The following RGS17 variants were observed in gnomAD, a reference collection of about 807,000 sequenced individuals.
RGS17 encodes regulator of G protein signaling 17, also known as regulator of G-protein signaling 17.
RGS17 carries 12 observed loss-of-function variants against 25.5 expected under a neutral mutation model. The ratio of observed to expected loss-of-function variants is 0.47; its 90% CI spans 0.30 to 0.76. RGS17 has a LOEUF of 0.76. RGS17 is among the 30% of genes least tolerant of loss of function. The pLI is 0.07. For synonymous variants in RGS17, 71 were observed against 76.9 expected, an observed-to-expected ratio of 0.92 and a Z score of 0.40; for missense variants, 196 against 242.2, an observed-to-expected ratio of 0.81 and a Z score of 1.27.
intron 1 of RGS17, among the ~76,000 whole-genome samples, chr6:153,101,358 C>A (rs1000379057): frequency 1.5e-4 from 23 of 152,054 alleles, no homozygotes; most frequent in African/African-American, 5.3e-4. Flanking sequence ...TTTGCAGGGC[C>A]AACTGGGCAC....
intron 1 of RGS17, among the ~76,000 whole-genome samples, chr6:153,068,843 T>A (rs937000593): frequency 2.6e-5 from 4 of 152,190 alleles, no homozygotes; most frequent in African/African-American, 9.7e-5. Flanking sequence ...CAAACAGGCA[T>A]GTGAAAATTT....
At chr6:153,044,472 T>C (rs1265819334) in intron 1 of RGS17, among the ~76,000 whole-genome samples, 1 of 152,212 alleles carries the variant, frequency 6.6e-6, no homozygotes, top group African/African-American at 2.4e-5. Flanking sequence ...TAAATGATTG[T>C]TGCATGGTTT....
intron 1 of RGS17, among the ~76,000 whole-genome samples, chr6:153,054,118 A>G (rs1303106715): frequency 8.5e-6 from 1 of 118,032 alleles, no homozygotes; most frequent in African/African-American, 3.1e-5. Flanking sequence ...ATATATGTGT[A>G]TATATATATA....
chr6:153,092,253 T>C (rs1382685042), intron 1 of RGS17, among the ~76,000 whole-genome samples: 1 of 152,244 alleles, frequency 6.6e-6, no homozygotes, highest in Non-Finnish European at 1.5e-5. Flanking sequence ...TCTTTGCCTG[T>C]ATAAAATGCT....
chr6:153,078,631 T>C (rs1776922698), intron 1 of RGS17, among the ~76,000 whole-genome samples: 1 of 151,900 alleles, frequency 6.6e-6, no homozygotes, highest in African/African-American at 2.4e-5. Flanking sequence ...ATGTGATATA[T>C]TGAGTAATCA....
At chr6:153,055,968 A>T (rs1194190639) in intron 1 of RGS17, among the ~76,000 whole-genome samples, 1 of 152,224 alleles carries the variant, frequency 6.6e-6, no homozygotes, top group East Asian at 1.9e-4. Context: ...AAATGTAAGG[A>T]TATGAACTTG....
intron 1 of RGS17, among the ~76,000 whole-genome samples, chr6:153,085,912 A>G (rs1217600854): frequency 6.7e-6 from 1 of 150,360 alleles, no homozygotes; most frequent in East Asian, 2.0e-4. Flanking sequence ...AAACAACTGT[A>G]GAGGGGGCAG....
chr6:153,076,164 T>G (rs6927659), intron 1 of RGS17, among the ~76,000 whole-genome samples: 67,455 of 152,002 alleles, frequency 0.44, 15,489 homozygotes, highest in East Asian at 0.7. Flanking sequence ...AACATTACAC[T>G]CTGTATATCC....
intron 1 of RGS17, among the ~76,000 whole-genome samples, chr6:153,054,092 T>TATATATATATG (rs1393844507): frequency 6.2e-4 from 26 of 42,080 alleles, no homozygotes; most frequent in East Asian, 2.1e-3. Flanking sequence ...ACAATATTTT[T>TATATATATATG]TATATATATA....
intron 2 of RGS17, among the ~76,000 whole-genome samples, chr6:153,037,171 A>AACACAC: frequency 2.1e-5 from 3 of 145,354 alleles, no homozygotes; most frequent in African/African-American, 7.7e-5. Context: ...CTACCTTTAA[A>AACACAC]ACACACACAC....
intron 4 of RGS17, among the ~76,000 whole-genome samples, chr6:153,013,739 A>G (rs1779156333): frequency 6.6e-6 from 1 of 152,254 alleles, no homozygotes; most frequent in African/African-American, 2.4e-5. Flanking sequence ...ATAGAAGATC[A>G]AACAAGCCAC....
intron 1 of RGS17, among the ~76,000 whole-genome samples, chr6:153,075,689 G>T (rs559796401): frequency 1.3e-5 from 2 of 152,242 alleles, no homozygotes; most frequent in East Asian, 3.9e-4. Context: ...TCTATAAAAT[G>T]GAGAACTGTG....
chr6:153,057,027 C>T (rs1452461585), intron 1 of RGS17, among the ~76,000 whole-genome samples: 1 of 152,028 alleles, frequency 6.6e-6, no homozygotes, highest in Admixed American at 6.6e-5. Context: ...ACAATTCTTA[C>T]AGCCCTAAAG....
At chr6:153,043,457 T>C (rs1243823221) in intron 2 of RGS17, among the ~76,000 whole-genome samples, 1 of 148,126 alleles carries the variant, frequency 6.8e-6, no homozygotes, top group Non-Finnish European at 1.5e-5. Flanking sequence ...AGCTGAATGC[T>C]CAACACCCTA....
At chr6:153,046,106 A>G (rs1179038399) in intron 1 of RGS17, among the ~76,000 whole-genome samples, 5 of 152,216 alleles carry the variant, frequency 3.3e-5, no homozygotes, top group African/African-American at 1.2e-4. Context: ...GTTAAATACC[A>G]CATATTCTCA....
At chr6:153,024,190 A>C in intron 4 of RGS17, 72 bp downstream of exon 4, 3 of 969,862 alleles carry the variant, frequency 3.1e-6, no homozygotes, top group Non-Finnish European at 4.8e-6. Context: ...GCCCTACCCA[A>C]TGTGGACAGC....
chr6:153,057,490 A>G (rs1187015176), intron 1 of RGS17, among the ~76,000 whole-genome samples: 1 of 152,008 alleles, frequency 6.6e-6, no homozygotes, highest in Non-Finnish European at 1.5e-5. Flanking sequence ...CTCTGTACAA[A>G]TCTTGCCTCT....
intron 1 of RGS17, among the ~76,000 whole-genome samples, chr6:153,072,012 T>C (rs1052591657): frequency 1.3e-5 from 2 of 152,268 alleles, no homozygotes; most frequent in Middle Eastern, 3.4e-3. Flanking sequence ...AGCTGTCAAT[T>C]GATGTTAAGT....
At chr6:153,119,349 T>C (rs534856887) in intron 1 of RGS17, among the ~76,000 whole-genome samples, 9 of 152,318 alleles carry the variant, frequency 5.9e-5, no homozygotes, top group African/African-American at 2.2e-4. Context: ...GACATTAAAC[T>C]TGCTACCTTT....
Sources: gnomAD v4.1 joint callset for allele counts (sites outside exome capture counted in the v4.1 genomes callset) on GRCh38, gnomAD v4.1.1 for gene constraint, MANE v1.5 for transcripts, NCBI Gene and HGNC (gene_info 2026-07-23, HGNC 2026-07-21) for gene names.